NRXN3: variants seen among roughly 807,000 people sequenced by gnomAD.
NRXN3 encodes neurexin III.
Under a neutral mutation model 137.6 loss-of-function variants are expected in NRXN3, and 32 were observed. The ratio of observed to expected loss-of-function variants is 0.23; its 90% CI spans 0.18 to 0.31. The LOEUF is 0.31. Among genes scored for constraint, NRXN3 ranks in the 10% least tolerant of loss-of-function variants. NRXN3 has a pLI of 1.00. For missense variants in NRXN3, 1,574 were observed against 2,062.5 expected (o/e 0.76, Z 4.59); for synonymous variants, 798 against 784.5 (o/e 1.02, Z -0.29).
intron 4 of NRXN3, among the ~76,000 whole-genome samples, chr14:78,299,468 ACATTCTTTTTTCCCCTCCT>A (rs2076665838): frequency 1.6e-4 from 1 of 6,406 alleles, no homozygotes; most frequent in African/African-American, 3.1e-3. Context: ...AGCCCCTCCT[ACATTCTTTTTTCCCCTCCT>A]ACATTCTTTT....
At chr14:79,493,743 T>C (rs1168283129) in intron 16 of NRXN3, among the ~76,000 whole-genome samples, 2 of 152,220 alleles carry the variant, frequency 1.3e-5, no homozygotes, top group Admixed American at 1.3e-4. Context: ...CAAAGCCTCT[T>C]CGTACCTTGA....
chr14:79,170,951 C>T (rs1288963765), intron 15 of NRXN3, among the ~76,000 whole-genome samples: 2 of 152,048 alleles, frequency 1.3e-5, no homozygotes, highest in Admixed American at 1.3e-4. Flanking sequence ...CAAAATACTA[C>T]TTTTTCAAGG....
At chr14:78,200,719 A>G in intron 1 of NRXN3, among the ~76,000 whole-genome samples, 1 of 152,206 alleles carries the variant, frequency 6.6e-6, no homozygotes, top group African/African-American at 2.4e-5. Flanking sequence ...TACATCCTTT[A>G]TGGATTAAAT....
chr14:79,289,627 A>C (rs1025121603), intron 15 of NRXN3, among the ~76,000 whole-genome samples: 1 of 152,172 alleles, frequency 6.6e-6, no homozygotes. Flanking sequence ...TCTAAAAAAA[A>C]AAAATTAATC....
chr14:79,034,182 G>T (rs1177701117), intron 15 of NRXN3, among the ~76,000 whole-genome samples: 1 of 152,008 alleles, frequency 6.6e-6, no homozygotes, highest in Non-Finnish European at 1.5e-5. Flanking sequence ...AGTTTGTACT[G>T]AGTTCTCCTG....
intron 4 of NRXN3, among the ~76,000 whole-genome samples, chr14:78,402,930 G>A (rs1409641494): frequency 6.6e-6 from 1 of 152,174 alleles, no homozygotes; most frequent in African/African-American, 2.4e-5. Context: ...CTCTCTCCCT[G>A]TGAGAGGTTA....
intron 2 of NRXN3, among the ~76,000 whole-genome samples, chr14:78,253,494 C>G (rs996084627): frequency 6.6e-6 from 1 of 151,932 alleles, no homozygotes; most frequent in South Asian, 2.1e-4. Flanking sequence ...GGCAACATAG[C>G]GAGACATCAT....
At chr14:78,385,290 AACACACACACACACACACACAC>A (rs34246142) in intron 4 of NRXN3, among the ~76,000 whole-genome samples, 77 of 147,470 alleles carry the variant, frequency 5.2e-4, no homozygotes, top group African/African-American at 1.7e-3. Context: ...AACTTTAAGC[AACACACACACACACACACACAC>A]ACACACACAC....
rs143663256 is a variant in NRXN3, at chr14:79,638,613, TA to T, written c.3445-25164del. ...AATAATGAATTTTGGTATAAAAACA[TA>T]TTTTTTTATCTAACTATATTTTTCA... On this transcript the variant is annotated intron_variant, in intron 16 of 20. Transcript: ENST00000335750. 8.6e-3 allele frequency among the ~76,000 whole-genome samples: 1,305 copies of T among 152,350 alleles called. 8 individuals carry two copies. Among genetic ancestry groups the T allele is most frequent in the Non-Finnish European group, 0.013 (883 of 68,030 alleles).
At chr14:79,714,158 A>C (rs1368194603) in intron 19 of NRXN3, among the ~76,000 whole-genome samples, 1 of 152,228 alleles carries the variant, frequency 6.6e-6, no homozygotes, top group Admixed American at 6.5e-5. Context: ...CTCCACACAA[A>C]AAGAATGCCG....
chr14:79,796,176 G>C (rs1375397786), intron 19 of NRXN3, among the ~76,000 whole-genome samples: 5 of 152,106 alleles, frequency 3.3e-5, no homozygotes, highest in African/African-American at 1.2e-4. Context: ...ACAGGCATCT[G>C]ATCTAGATTC....
intron 10 of NRXN3, among the ~76,000 whole-genome samples, chr14:78,818,265 C>T (rs1475220097): frequency 6.6e-6 from 1 of 151,938 alleles, no homozygotes; most frequent in Non-Finnish European, 1.5e-5. Context: ...TTGATATCTG[C>T]CACTGTATGA....
chr14:78,202,185 G>A (rs1347892784), intron 1 of NRXN3, among the ~76,000 whole-genome samples: 1 of 152,108 alleles, frequency 6.6e-6, no homozygotes, highest in Admixed American at 6.5e-5. Context: ...GTAGGAGGGG[G>A]AAACGAAAGG....
intron 16 of NRXN3, among the ~76,000 whole-genome samples, chr14:79,596,305 G>A (rs1388578479): frequency 1.3e-5 from 2 of 151,996 alleles, no homozygotes; most frequent in Non-Finnish European, 2.9e-5. Flanking sequence ...CATGACCTTG[G>A]GGAAATTGCT....
At position 78,273,944 on chromosome 14, in the gene NRXN3, T is replaced by A. The variant is rs139450262; in HGVS notation, c.710-4701T>A. On this transcript the variant is annotated intron_variant, in intron 2 of 20. Coordinates refer to ENST00000335750, the MANE Select transcript of NRXN3 (RefSeq NM_001330195.2). ...TCAAGGCAGAGTTCACCAGGTGGGGTCCCAGAAGGTTTGACTGGGACTCGC... is the reference window on the plus strand; with the variant it reads ...TCAAGGCAGAGTTCACCAGGTGGGGACCCAGAAGGTTTGACTGGGACTCGC... Among the ~76,000 whole-genome samples, 54 of 152,256 alleles carry A rather than the reference T, an allele frequency of 3.5e-4. No homozygotes were observed. The East Asian group carries it at 9.7e-3, about 27-fold the overall frequency.
chr14:79,449,819 G>A (rs375190935), intron 15 of NRXN3, among the ~76,000 whole-genome samples: 70 of 151,692 alleles, frequency 4.6e-4, no homozygotes, highest in African/African-American at 1.1e-3. Flanking sequence ...GTGAAACCCC[G>A]TCTCTACTAA....
chr14:79,512,563 A>G (rs1295845288), intron 16 of NRXN3, among the ~76,000 whole-genome samples: 1 of 152,230 alleles, frequency 6.6e-6, no homozygotes, highest in Non-Finnish European at 1.5e-5. Context: ...ATTGCTCTTT[A>G]TGGTTCTTAC....
chr14:79,125,917 G>T (rs1209071714), intron 15 of NRXN3, among the ~76,000 whole-genome samples: 2 of 151,908 alleles, frequency 1.3e-5, no homozygotes, highest in Non-Finnish European at 2.9e-5. Flanking sequence ...ATACGCTTAT[G>T]CAACTCCTTT....
At chr14:78,673,464 G>T (rs111799199) in intron 6 of NRXN3, among the ~76,000 whole-genome samples, 9 of 152,342 alleles carry the variant, frequency 5.9e-5, no homozygotes, top group African/African-American at 2.2e-4. Flanking sequence ...GTCAGGTGGA[G>T]CTATATATGG....
Sources: gnomAD v4.1 joint callset for allele counts (sites outside exome capture counted in the v4.1 genomes callset) on GRCh38, gnomAD v4.1.1 for gene constraint, MANE v1.5 for transcripts, NCBI Gene and HGNC (gene_info 2026-07-23, HGNC 2026-07-21) for gene names.